BSN: variants seen among roughly 807,000 people sequenced by gnomAD.
BSN encodes protein bassoon.
Under a neutral mutation model 264.8 loss-of-function variants are expected in BSN, and 57 were observed. The observed-to-expected ratio is 0.22, with a 90% CI of 0.17 to 0.27. The LOEUF (loss-of-function observed/expected upper bound fraction) is 0.27. BSN is among the 10% of genes least tolerant of loss of function. The pLI is 1.00. For synonymous variants in BSN, 2,059 were observed against 2,137.3 expected (o/e 0.96, Z 1.01); for missense variants, 4,615 against 5,232.5 (o/e 0.88, Z 3.64).
chr3:49,627,861 C>A (rs558837606), intron 2 of BSN, among the ~76,000 whole-genome samples: 42 of 152,298 alleles, frequency 2.8e-4, no homozygotes, highest in Admixed American at 2.7e-3. Context: ...GGTAGAGGTA[C>A]TGCCAGTCCC....
chr3:49,636,353 G>A (rs2108066943), intron 2 of BSN, among the ~76,000 whole-genome samples: 1 of 152,248 alleles, frequency 6.6e-6, no homozygotes, highest in Middle Eastern at 3.4e-3. Flanking sequence ...CAAGGGTCCA[G>A]CCTCTCCTGG....
intron 1 of BSN, among the ~76,000 whole-genome samples, chr3:49,589,595 C>T (rs993441809): frequency 1.3e-5 from 2 of 150,766 alleles, no homozygotes; most frequent in African/African-American, 4.9e-5. Flanking sequence ...CAACCTCCGC[C>T]TTCCAGGTTC....
chr3:49,557,346 A>G (rs1330045607), intron 1 of BSN, among the ~76,000 whole-genome samples: 1 of 152,184 alleles, frequency 6.6e-6, no homozygotes, highest in African/African-American at 2.4e-5. Flanking sequence ...AAGGGGCATC[A>G]TTCACTCGTT....
chr3:49,636,308 G>A (rs1449630802), intron 2 of BSN, among the ~76,000 whole-genome samples: 1 of 152,116 alleles, frequency 6.6e-6, no homozygotes, highest in Non-Finnish European at 1.5e-5. Flanking sequence ...GAACCAAAGG[G>A]TCCTGGGGAT....
chr3:49,571,318 C>T (rs964875510), intron 1 of BSN, among the ~76,000 whole-genome samples: 4 of 152,030 alleles, frequency 2.6e-5, no homozygotes, highest in Non-Finnish European at 5.9e-5. Context: ...CTAGCTCCAG[C>T]CTCTGCTTGG....
intron 3 of BSN, among the ~76,000 whole-genome samples, chr3:49,644,164 C>T (rs574224190): frequency 6.6e-6 from 1 of 152,360 alleles, no homozygotes; most frequent in South Asian, 2.1e-4. Flanking sequence ...TGTTTCCCAG[C>T]TGTGTCACGT....
At chr3:49,566,865 G>GTT (rs36077279) in intron 1 of BSN, among the ~76,000 whole-genome samples, 20 of 145,734 alleles carry the variant, frequency 1.4e-4, no homozygotes, top group South Asian at 6.4e-4. Flanking sequence ...GTCCTTATCA[G>GTT]TTTTTTTTTT....
At chr3:49,560,932 A>T (rs1001144765) in intron 1 of BSN, among the ~76,000 whole-genome samples, 2 of 152,200 alleles carry the variant, frequency 1.3e-5, no homozygotes, top group African/African-American at 4.8e-5. Context: ...CTGCTGTGGA[A>T]TGGGATACTC....
chr3:49,640,672 C>G (rs1274879636), intron 2 of BSN: 2 of 152,032 alleles, frequency 1.3e-5, no homozygotes, highest in African/African-American at 4.8e-5. Flanking sequence ...CCAATTCTTA[C>G]TATTTTCAGT....
chr3:49,560,081 A>G (rs969745736), intron 1 of BSN, among the ~76,000 whole-genome samples: 3 of 151,836 alleles, frequency 2.0e-5, no homozygotes, highest in Non-Finnish European at 4.4e-5. Flanking sequence ...TTTTTCCCCC[A>G]GAAAAGTCAT....
Position 49,585,799 on chromosome 3 carries a change from C to G in BSN, c.224+30973C>G, listed in dbSNP as rs2051932894. Among the ~76,000 whole-genome samples the G allele has an allele frequency of 6.6e-6, 1 of 152,140 alleles. No homozygotes were observed. The highest frequency in any genetic ancestry group is 1.5e-5 in the Non-Finnish European group (1 of 68,036). On this transcript the variant is annotated intron_variant, in intron 1 of 11. Coordinates refer to ENST00000296452, the MANE Select transcript of BSN (RefSeq NM_003458.4). This position sits in a 1 kb window ranked among gnomAD's most constrained non-coding sequence, Gnocchi z 4.7. ...GTCTTTTGGATAAAAGCCATTTTAA[C>G]TGGGGTGAGATGATACCTCATTTAG... is the stretch of plus-strand genomic sequence containing the variant.
intron 10 of BSN, 121 bp downstream of exon 10, chr3:49,664,974 T>G: frequency 4.5e-5 from 32 of 715,718 alleles, no homozygotes; most frequent in East Asian, 7.6e-5. Flanking sequence ...GCTGGTTCAG[T>G]ACCCAGAGCT....
Position 49,661,765 on chromosome 3 carries a change from G to A in BSN, c.9920G>A (p.Ser3307Asn), listed in dbSNP as rs1219194344. 3.7e-6 allele frequency: 6 copies of A among 1,613,252 alleles called. No individual in the cohort carries two copies. Among genetic ancestry groups the A allele is most frequent in the Non-Finnish European group, 5.1e-6 (6 of 1,180,056 alleles). The stretch of plus-strand genomic sequence containing the variant: ...CGCGGGAAGGGTGGCCACCTCCGGA[G>A]CATGGAGAGCAATGGTCGACCAGCC... ...DPRGKGGHLR[S>N]MESNGRPAST... Residue 3307 changes from serine to asparagine, a missense_variant, in exon 6 of 12, where the codon AGC becomes AAC. This residue lies in a region of BSN where 3,415 missense variants were observed against 3,866.4 expected (regional missense o/e 0.88). Coordinates refer to ENST00000296452, the MANE Select transcript of BSN (RefSeq NM_003458.4).
intron 2 of BSN, among the ~76,000 whole-genome samples, chr3:49,636,361 T>C (rs1559610680): frequency 1.3e-5 from 2 of 152,026 alleles, no homozygotes; most frequent in Non-Finnish European, 2.9e-5. Context: ...CAGCCTCTCC[T>C]GGAGAGGGTT....
chr3:49,588,309 A>G (rs1036091340), intron 1 of BSN, among the ~76,000 whole-genome samples: 9 of 152,014 alleles, frequency 5.9e-5, no homozygotes, highest in South Asian at 2.1e-4. Context: ...CTGCCTCACT[A>G]TGTTGAATAG....
At chr3:49,659,020 T>G (rs1349273186) in intron 5 of BSN, among the ~76,000 whole-genome samples, 1 of 152,100 alleles carries the variant, frequency 6.6e-6, no homozygotes, top group East Asian at 1.9e-4. Flanking sequence ...AAGCAGATGT[T>G]TTGGAAAGTT....
In BSN at chr3:49,657,468, G is replaced by T; in HGVS notation, c.7912G>T (p.Asp2638Tyr). The change falls in exon 5 of 12, where the codon GAC becomes TAC. Residue 2638 changes from aspartate to tyrosine, a missense_variant. Transcript: ENST00000296452. ...RRRSRLPRHS[D>Y]SGSDSKHDAT... is the part of the protein sequence containing the mutation. ...CAGGTCTCGTCTTCCCCGCCACTCA[G>T]ACTCAGGCTCTGACAGCAAGCACGA... The T allele has an allele frequency of 6.2e-7, 1 of 1,613,136 alleles. No homozygotes were observed. The highest frequency in any genetic ancestry group is 8.5e-7 in the Non-Finnish European group (1 of 1,179,922).
intron 1 of BSN, among the ~76,000 whole-genome samples, chr3:49,572,253 A>G (rs2051802638): frequency 6.6e-6 from 1 of 152,248 alleles, no homozygotes; most frequent in Non-Finnish European, 1.5e-5. Context: ...TTTATTGTCC[A>G]TAAGAGATCT....
intron 1 of BSN, among the ~76,000 whole-genome samples, chr3:49,605,588 TTA>T (rs1172321188): frequency 1.0e-4 from 1 of 9,850 alleles, no homozygotes; most frequent in Non-Finnish European, 1.6e-4. Flanking sequence ...TATTATATAT[TTA>T]TATATAATAT....
Sources: allele counts gnomAD v4.1 joint callset (sites outside exome capture counted in the v4.1 genomes callset), GRCh38; gene constraint gnomAD v4.1.1; regional missense constraint gnomAD v4.1.1; non-coding constraint Gnocchi (gnomAD v3.1); transcripts MANE v1.5; gene names NCBI Gene and HGNC (gene_info 2026-07-23, HGNC 2026-07-21).